The following ASS1 variants were observed in gnomAD, a reference collection of about 807,000 sequenced individuals.
The protein encoded by ASS1 is argininosuccinate synthase.
ASS1 carries 58 observed loss-of-function variants against 60.5 expected under a neutral mutation model. The observed-to-expected ratio is 0.96, with a 90% CI of 0.78 to 1.19. The LOEUF is 1.19. ASS1 is among the 50% of genes most tolerant of loss of function. The pLI is 0.00. For missense variants in ASS1, 454 were observed against 547.3 expected, an observed-to-expected ratio of 0.83 and a Z score of 1.70; for synonymous variants, 200 against 206.9, an observed-to-expected ratio of 0.97 and a Z score of 0.29.
intron 3 of ASS1, 68 bp from the exon 4 acceptor site, chr9:130,458,321 AGCTGAGGCCCCT>A (rs1845495383): frequency 1.7e-5 from 26 of 1,569,822 alleles, no homozygotes; most frequent in Non-Finnish European, 2.3e-5. Flanking sequence ...GGTCTCAGCT[AGCTGAGGCCCCT>A]GGGGCTCTGT....
Position 130,477,811 on chromosome 9 carries a change from C to T in ASS1, c.688+850C>T, listed in dbSNP as rs938289576. 1.3e-5 allele frequency among the ~76,000 whole-genome samples: 2 copies of T among 152,194 alleles called. No individual in the cohort carries two copies. The highest frequency in any genetic ancestry group is 4.8e-5 in the African/African-American group (2 of 41,448). On this transcript the variant is annotated intron_variant, in intron 9 of 14. Transcript: ENST00000352480. This position sits in a 1 kb window ranked among gnomAD's most constrained non-coding sequence, Gnocchi z 4.2. ...GGACCAGGCGGGGGGCTGGCCCATT[C>T]GTCCACAAAGTGGCTGCCCACACTG...
At chr9:130,455,605 T>A (rs1845431277) in intron 3 of ASS1, among the ~76,000 whole-genome samples, 1 of 152,266 alleles carries the variant, frequency 6.6e-6, no homozygotes, top group Non-Finnish European at 1.5e-5. Flanking sequence ...ATTGTGAATC[T>A]AGGCATGTGG....
chr9:130,480,567 C>T lies in ASS1; in HGVS notation c.838+118C>T, dbSNP rs60444687. Reference sequence around the variant, plus strand: ...CATGCTCCGTGGGCGACCTTGGGCACGTCCTTTCACCACACCCCGTGAGAC... The same window carrying T: ...CATGCTCCGTGGGCGACCTTGGGCATGTCCTTTCACCACACCCCGTGAGAC... On this transcript the variant is annotated intron_variant, in intron 11 of 14. Transcript: ENST00000352480. 6.4e-4 allele frequency: 689 copies of T among 1,080,684 alleles called. 6 individuals carry two copies. The African/African-American group carries it at 9.4e-3, about 15-fold the overall frequency. The allele number at this position is 1,080,684 out of a possible 1,614,324, so 66.9% of individuals were successfully genotyped here. A position where few individuals can be genotyped will look rare whatever the true frequency, so the allele number is the denominator to read the frequency against.
Position 130,445,014 on chromosome 9 carries a change from C to A in ASS1, c.-6+19C>A. The A allele has an allele frequency of 2.9e-6, 1 of 339,652 alleles. No individual in the cohort carries two copies. Among genetic ancestry groups the A allele is most frequent in the Non-Finnish European group, 4.2e-6 (1 of 239,780 alleles). The allele number at this position is 339,652 out of a possible 1,614,324, so 21.0% of individuals were successfully genotyped here. Reference sequence around the variant, plus strand: ...GAGCCCGGTAAGGAGCCCTCGGCCCCTCTCGCTGCCCACTCCCTAGCCGAG... The same window carrying A: ...GAGCCCGGTAAGGAGCCCTCGGCCCATCTCGCTGCCCACTCCCTAGCCGAG... On this transcript the variant is annotated intron_variant, in intron 1 of 14. Transcript: ENST00000352480.
At position 130,470,478 on chromosome 9, in the gene ASS1, C is replaced by A. The variant is rs1389798328; in HGVS notation, c.496-356C>A. Among the ~76,000 whole-genome samples the A allele has an allele frequency of 1.3e-5, 2 of 152,220 alleles. No individual in the cohort carries two copies. The highest frequency in any genetic ancestry group is 2.9e-5 in the Non-Finnish European group (2 of 68,032). ...CACAGTGCGAGCGGGTTCACACAAG[C>A]CCCAGCTCGTAGGGTGGTGGCGGGG... On this transcript the variant is annotated intron_variant, in intron 6 of 14. Coordinates refer to ENST00000352480, the MANE Select transcript of ASS1 (RefSeq NM_054012.4). The surrounding 1 kb of genome is among the most constrained non-coding windows in gnomAD (Gnocchi z 4.3).
In ASS1 at chr9:130,477,178, C is replaced by T. The variant is rs950201865; in HGVS notation, c.688+217C>T. 9.2e-5 allele frequency among the ~76,000 whole-genome samples: 14 copies of T among 152,118 alleles called. No individual in the cohort carries two copies. Among genetic ancestry groups the T allele is most frequent in the Non-Finnish European group, 1.9e-4 (13 of 68,022 alleles). On this transcript the variant is annotated intron_variant, in intron 9 of 14. Transcript: ENST00000352480. The surrounding 1 kb of genome is among the most constrained non-coding windows in gnomAD (Gnocchi z 4.2). ...TCTAGGCTTGGGAGGAACATGCCCT[C>T]GGCTACCCATCACTCGGGTTCATGG...
chr9:130,494,722 G>C lies in ASS1; in HGVS notation c.971-145G>C. 2 of 1,069,786 alleles carry C rather than the reference G, an allele frequency of 1.9e-6. No homozygotes were observed. The highest frequency in any genetic ancestry group is 2.8e-6 in the Non-Finnish European group (2 of 715,518). The allele number at this position is 1,069,786 out of a possible 1,614,324, so 66.3% of individuals were successfully genotyped here. The stretch of plus-strand genomic sequence containing the variant: ...TGGTCCTCAACTCAGCCACTGGCAA[G>C]CGCACATTGTGCCAGTCTCGCGGGA... On this transcript the variant is annotated intron_variant, in intron 12 of 14. Transcript: ENST00000352480. This position sits in a 1 kb window ranked among gnomAD's most constrained non-coding sequence, Gnocchi z 4.3.
chr9:130,449,167 C>T lies in ASS1; in HGVS notation c.-5-3057C>T, dbSNP rs1334800490. On this transcript the variant is annotated intron_variant, in intron 1 of 14. Coordinates refer to ENST00000352480, the MANE Select transcript of ASS1 (RefSeq NM_054012.4). ...GCAATGTAGTGAAACCCCATCTCTA[C>T]AAAAAATACAAAAATTAGGCAGGTG... Among the ~76,000 whole-genome samples, 4 of 151,842 alleles carry T rather than the reference C, an allele frequency of 2.6e-5. No individual in the cohort carries two copies. In the East Asian group the frequency reaches 7.8e-4, roughly 30 times the overall value.
chr9:130,497,168 T>C (rs1846626535), intron 13 of ASS1, among the ~76,000 whole-genome samples: 1 of 152,136 alleles, frequency 6.6e-6, no homozygotes, highest in African/African-American at 2.4e-5. Flanking sequence ...GTCCAACCCT[T>C]CATTAAGCCT....
At position 130,476,144 on chromosome 9, in the gene ASS1, AG is replaced by A. The variant is rs1846012581; in HGVS notation, c.598-725del. ...AGGACCCCAGGCACAGGATGCCCAC[AG>A]GAGGGACCTGAGCAGTCAGGCCCAA... On this transcript the variant is annotated intron_variant, in intron 8 of 14. Transcript: ENST00000352480. The surrounding 1 kb of genome is among the most constrained non-coding windows in gnomAD (Gnocchi z 4.9). 6.6e-6 allele frequency: 1 copy of A among 152,422 alleles called. No homozygotes were observed. 9.4% of individuals were successfully genotyped at this position (152,422 alleles called of 1,614,324 possible). A position where few individuals can be genotyped will look rare whatever the true frequency, so the allele number is the denominator to read the frequency against.
chr9:130,462,151 T>TC (rs572335505), intron 4 of ASS1, among the ~76,000 whole-genome samples: 10 of 149,984 alleles, frequency 6.7e-5, no homozygotes, highest in Admixed American at 6.6e-4. Flanking sequence ...GGCTCCTCTC[T>TC]CCCCCTAGTT....
At position 130,452,312 on chromosome 9, in the gene ASS1, C is replaced by A. The variant is rs1386337873; in HGVS notation, c.84C>A (p.Gly28=). 8.7e-6 allele frequency: 14 copies of A among 1,613,934 alleles called. No individual in the cohort carries two copies. Among genetic ancestry groups the A allele is most frequent in the Non-Finnish European group, 1.2e-5 (14 of 1,179,950 alleles). ...SCILVWLKEQ[G]YDVIAYLANI... is the part of the protein sequence containing the mutation. Reference sequence around the variant, plus strand: ...TCCTCGTGTGGCTGAAGGAACAAGGCTATGACGTCATTGCCTATCTGGTGA... The same window carrying A: ...TCCTCGTGTGGCTGAAGGAACAAGGATATGACGTCATTGCCTATCTGGTGA... The change falls in exon 2 of 15, where the codon GGC becomes GGA. Residue 28 remains glycine, a synonymous_variant. Coordinates refer to ENST00000352480, the MANE Select transcript of ASS1 (RefSeq NM_054012.4).
chr9:130,463,909 A>G (rs999933150), intron 4 of ASS1, among the ~76,000 whole-genome samples: 2 of 151,808 alleles, frequency 1.3e-5, no homozygotes, highest in Admixed American at 6.6e-5. Context: ...GCCCTCTCCT[A>G]TACTCTGCCA....
chr9:130,458,759 C>T (rs1445937082), intron 4 of ASS1, among the ~76,000 whole-genome samples, 170 bp downstream of exon 4: 1 of 152,254 alleles, frequency 6.6e-6, no homozygotes, highest in Non-Finnish European at 1.5e-5. Flanking sequence ...CTCGCCCCTG[C>T]GCTCTGTGCA....
At chr9:130,446,037 A>G (rs1347013541) in intron 1 of ASS1, among the ~76,000 whole-genome samples, 1 of 152,000 alleles carries the variant, frequency 6.6e-6, no homozygotes, top group Non-Finnish European at 1.5e-5. Context: ...AATTTATCAG[A>G]GATGTGGACT....
chr9:130,472,000 TTCC>T (rs1409536950), intron 8 of ASS1, among the ~76,000 whole-genome samples: 1 of 152,118 alleles, frequency 6.6e-6, no homozygotes, highest in Non-Finnish European at 1.5e-5. Context: ...GGTCCCAAGC[TTCC>T]CGGGCGGGCT....
chr9:130,497,436 C>G (rs1009594805), intron 13 of ASS1, among the ~76,000 whole-genome samples: 1 of 150,676 alleles, frequency 6.6e-6, no homozygotes, highest in Non-Finnish European at 1.5e-5. Flanking sequence ...CAGAGCCACT[C>G]GAATGAGCAA....
intron 12 of ASS1, among the ~76,000 whole-genome samples, chr9:130,490,074 C>G (rs1398945753): frequency 6.6e-6 from 1 of 152,250 alleles, no homozygotes; most frequent in East Asian, 1.9e-4. Context: ...GTCACACACC[C>G]AGCCCATGTG....
chr9:130,479,665 T>C (rs1275506099), intron 9 of ASS1, 51 bp from the exon 10 acceptor site: 2 of 1,465,798 alleles, frequency 1.4e-6, no homozygotes, highest in Non-Finnish European at 1.9e-6. Context: ...GGGTGCAGAC[T>C]CCTCCGCTGA....
Sources: allele counts gnomAD v4.1 joint callset (sites outside exome capture counted in the v4.1 genomes callset), GRCh38; gene constraint gnomAD v4.1.1; non-coding constraint Gnocchi (gnomAD v3.1); transcripts MANE v1.5; gene names NCBI Gene and HGNC (gene_info 2026-07-23, HGNC 2026-07-21).